Variants in PTPRN2 observed in about 807,000 individuals in gnomAD.
PTPRN2 encodes protein tyrosine phosphatase receptor type N2.
PTPRN2 carries 74 observed loss-of-function variants against 118.8 expected under a neutral mutation model. That is an observed-to-expected ratio of 0.62 (90% CI 0.52 to 0.76). The LOEUF is 0.76. Ranked by LOEUF, PTPRN2 falls within the 30% of genes least tolerant of loss-of-function variation. The pLI, the probability that PTPRN2 is intolerant of heterozygous loss-of-function variation, is 0.00. For synonymous variants in PTPRN2, 641 were observed against 608.0 expected, an observed-to-expected ratio of 1.05 and a Z score of -0.80; for missense variants, 1,481 against 1,394.4, an observed-to-expected ratio of 1.06 and a Z score of -0.99.
At chr7:158,523,281 G>A (rs140094212) in intron 1 of PTPRN2, among the ~76,000 whole-genome samples, 32 of 152,320 alleles carry the variant, frequency 2.1e-4, no homozygotes, top group Non-Finnish European at 3.4e-4. Context: ...CACGTCCCAC[G>A]GTGAGGGCTG....
At chr7:157,547,689 G>A (rs971236107) in intron 22 of PTPRN2, among the ~76,000 whole-genome samples, 2 of 152,110 alleles carry the variant, frequency 1.3e-5, no homozygotes, top group East Asian at 3.9e-4. Context: ...AAATCATCAC[G>A]CAGCCACGCA....
At chr7:158,460,645 G>A (rs563698516) in intron 2 of PTPRN2, among the ~76,000 whole-genome samples, 2 of 152,376 alleles carry the variant, frequency 1.3e-5, no homozygotes, top group South Asian at 2.1e-4. Context: ...CCAGCTGTCC[G>A]GAAATGAAAA....
intron 1 of PTPRN2, among the ~76,000 whole-genome samples, chr7:158,499,131 A>G (rs1822169701): frequency 6.6e-6 from 1 of 152,224 alleles, no homozygotes; most frequent in African/African-American, 2.4e-5. Flanking sequence ...TTATCATCTC[A>G]AGACCCCCTT....
At chr7:158,332,736 A>G (rs367852591) in intron 2 of PTPRN2, among the ~76,000 whole-genome samples, 1 of 151,136 alleles carries the variant, frequency 6.6e-6, no homozygotes, top group African/African-American at 2.4e-5. Flanking sequence ...CACTCTCACC[A>G]TAAGAGCTGA....
chr7:157,736,315 T>G lies in PTPRN2; in HGVS notation c.1789-53378A>C, dbSNP rs553942918. On this transcript the variant is annotated intron_variant, in intron 12 of 22. Transcript: ENST00000389418. ...ATAGGCTGAATTGTGACCCCCCAAA[T>G]CCATCCATTGAAGCTCTGATCCCCA... Among the ~76,000 whole-genome samples, 300 of 152,230 alleles carry G rather than the reference T, an allele frequency of 2.0e-3. 2 individuals are homozygous for G. Among genetic ancestry groups the G allele is most frequent in the South Asian group, 9.1e-3 (44 of 4,818 alleles).
chr7:158,363,504 G>A (rs553623797), intron 2 of PTPRN2, among the ~76,000 whole-genome samples: 1 of 152,342 alleles, frequency 6.6e-6, no homozygotes, highest in East Asian at 1.9e-4. Context: ...GTCGAAGCCT[G>A]CACACAATTC....
At chr7:158,345,687 A>T (rs1364895301) in intron 2 of PTPRN2, among the ~76,000 whole-genome samples, 1 of 152,184 alleles carries the variant, frequency 6.6e-6, no homozygotes, top group Non-Finnish European at 1.5e-5. Context: ...TATAATTTAC[A>T]ATTGTATATA....
At chr7:158,205,300 G>A (rs750963128) in intron 3 of PTPRN2, 27 bp from the exon 4 acceptor site, 10 of 1,564,220 alleles carry the variant, frequency 6.4e-6, no homozygotes, top group Middle Eastern at 1.9e-4. Flanking sequence ...CAAAAATTAT[G>A]TCATCATTTT....
chr7:158,034,928 T>C (rs2128884998), intron 11 of PTPRN2, among the ~76,000 whole-genome samples: 1 of 152,384 alleles, frequency 6.6e-6, no homozygotes, highest in African/African-American at 2.4e-5. Flanking sequence ...CACAGGAGCC[T>C]GCCTGTCAGC....
chr7:158,265,046 G>A (rs1028573892), intron 3 of PTPRN2, among the ~76,000 whole-genome samples: 6 of 152,030 alleles, frequency 3.9e-5, no homozygotes, highest in African/African-American at 1.4e-4. Context: ...CAAGCCTGGT[G>A]ACATTCCCCC....
At chr7:158,177,609 T>A (rs1824334195) in intron 5 of PTPRN2, among the ~76,000 whole-genome samples, 1 of 152,220 alleles carries the variant, frequency 6.6e-6, no homozygotes, top group Non-Finnish European at 1.5e-5. Context: ...AGTTTGCATT[T>A]TCTACAGCTT....
intron 1 of PTPRN2, among the ~76,000 whole-genome samples, chr7:158,534,324 G>A (rs967891514): frequency 1.3e-4 from 18 of 140,692 alleles, no homozygotes; most frequent in Middle Eastern, 4.2e-3. Context: ...CCCGGGCTCC[G>A]TCAGGGATGG....
At chr7:158,532,715 G>C (rs1326303096) in intron 1 of PTPRN2, 1 of 534,408 alleles carries the variant, frequency 1.9e-6, no homozygotes, top group Non-Finnish European at 3.8e-6. Flanking sequence ...ACAAAAACCA[G>C]CAACAGGCGC....
chr7:158,583,933 A>G (rs1345056989), intron 1 of PTPRN2, among the ~76,000 whole-genome samples: 1 of 152,230 alleles, frequency 6.6e-6, no homozygotes, highest in Admixed American at 6.5e-5. Flanking sequence ...TGTGGCAGTA[A>G]GGATCCTTTG....
chr7:157,932,014 G>C (rs993428677), intron 11 of PTPRN2, among the ~76,000 whole-genome samples: 1 of 152,078 alleles, frequency 6.6e-6, no homozygotes, highest in Non-Finnish European at 1.5e-5. Flanking sequence ...TCAGACACTC[G>C]TCACCCGATT....
chr7:157,900,974 T>G (rs1797402039), intron 11 of PTPRN2, among the ~76,000 whole-genome samples: 1 of 152,224 alleles, frequency 6.6e-6, no homozygotes, highest in African/African-American at 2.4e-5. Flanking sequence ...GAGGTTTATT[T>G]GGCTCACAGT....
intron 17 of PTPRN2, among the ~76,000 whole-genome samples, chr7:157,592,606 A>G (rs1443346554): frequency 6.7e-6 from 1 of 149,064 alleles, no homozygotes; most frequent in Non-Finnish European, 1.5e-5. Context: ...TGTGGGCATC[A>G]TCGTGGTCGT....
chr7:157,955,103 C>T (rs1020155491), intron 11 of PTPRN2, among the ~76,000 whole-genome samples: 4 of 152,238 alleles, frequency 2.6e-5, no homozygotes, highest in Non-Finnish European at 5.9e-5. Flanking sequence ...TCCAGAAAGA[C>T]GGATCCACCG....
chr7:157,692,510 C>A (rs1027163005), intron 12 of PTPRN2, among the ~76,000 whole-genome samples: 43 of 152,354 alleles, frequency 2.8e-4, no homozygotes, highest in African/African-American at 1.0e-3. Flanking sequence ...CCGCTGCAGG[C>A]CCCTGTCTAA....
Sources: gnomAD v4.1 joint callset for allele counts (sites outside exome capture counted in the v4.1 genomes callset) on GRCh38, gnomAD v4.1.1 for gene constraint, MANE v1.5 for transcripts, NCBI Gene and HGNC (gene_info 2026-07-23, HGNC 2026-07-21) for gene names.